The following EPB41 variants were observed in gnomAD, a reference collection of about 807,000 sequenced individuals.
EPB41 encodes the protein erythrocyte membrane protein band 4.1.
Under a neutral mutation model 108.0 loss-of-function variants are expected in EPB41, and 65 were observed. That is an observed-to-expected ratio of 0.60 (90% CI 0.49 to 0.74). The LOEUF (loss-of-function observed/expected upper bound fraction) is 0.74. EPB41 is among the 30% of genes least tolerant of loss of function. The pLI is 0.00. For missense variants in EPB41, 875 were observed against 1,037.0 expected (o/e 0.84, Z 2.15); for synonymous variants, 336 against 358.9 (o/e 0.94, Z 0.72).
intron 1 of EPB41, among the ~76,000 whole-genome samples, chr1:28,967,013 C>CTTTTTTTT (rs71586876): frequency 1.2e-4 from 10 of 85,388 alleles, no homozygotes; most frequent in African/African-American, 1.4e-4. Context: ...ATATGAGAAC[C>CTTTTTTTT]TTTTTTTTTT....
At chr1:29,050,807 C>T (rs535376887) in intron 11 of EPB41, among the ~76,000 whole-genome samples, 41 of 151,884 alleles carry the variant, frequency 2.7e-4, no homozygotes, top group Non-Finnish European at 4.1e-4. Flanking sequence ...TCCCAAGTAA[C>T]TGGGACTACA....
At chr1:28,994,950 G>A (rs9426402) in intron 3 of EPB41, among the ~76,000 whole-genome samples, 9,730 of 126,568 alleles carry the variant, frequency 0.077, 84 homozygotes, top group East Asian at 0.26. Flanking sequence ...ATGAGTCACC[G>A]CACCCAGCCT....
intron 4 of EPB41, 103 bp from the exon 5 acceptor site, chr1:29,011,762 G>A: frequency 2.4e-6 from 3 of 1,238,220 alleles, no homozygotes; most frequent in Non-Finnish European, 3.5e-6. Context: ...AATGCAGGTT[G>A]ATCTGGAGGC....
intron 1 of EPB41, among the ~76,000 whole-genome samples, chr1:28,930,826 A>C (rs2093704926): frequency 6.6e-6 from 1 of 152,158 alleles, no homozygotes; most frequent in Non-Finnish European, 1.5e-5. Flanking sequence ...CTCTGGCTGA[A>C]TATGCTTTTA....
chr1:29,049,520 T>C (rs917873549), intron 11 of EPB41, among the ~76,000 whole-genome samples: 2 of 152,194 alleles, frequency 1.3e-5, no homozygotes, highest in African/African-American at 4.8e-5. Context: ...GAGCATCATC[T>C]GATTTTTTTG....
In EPB41 at chr1:29,065,163, G is replaced by T; in HGVS notation, c.2184+5G>T. 1 of 1,584,454 alleles carries T rather than the reference G, an allele frequency of 6.3e-7. No individual in the cohort carries two copies. The highest frequency in any genetic ancestry group is 8.6e-7 in the Non-Finnish European group (1 of 1,163,112). On this transcript the variant is annotated splice_donor_5th_base_variant and intron_variant, in intron 16 of 20. Coordinates refer to ENST00000343067, the MANE Select transcript of EPB41 (RefSeq NM_001376013.1). Reference sequence around the variant, plus strand: ...CAAATCCCCACAGGAGAAGGAGTGAGTACTTTGTCCACATGACCAATTGTG... The same window carrying T: ...CAAATCCCCACAGGAGAAGGAGTGATTACTTTGTCCACATGACCAATTGTG...
intron 7 of EPB41, among the ~76,000 whole-genome samples, chr1:29,024,409 G>T (rs1030919030): frequency 2.0e-5 from 3 of 151,660 alleles, no homozygotes; most frequent in African/African-American, 4.9e-5. Context: ...TGAGGCAGGT[G>T]GATCACGAGG....
At chr1:28,895,499 AT>A (rs879498060) in intron 1 of EPB41, among the ~76,000 whole-genome samples, 3 of 150,632 alleles carry the variant, frequency 2.0e-5, no homozygotes, top group East Asian at 2.0e-4. Flanking sequence ...TATTATTATT[AT>A]TTTTTTTTGG....
intron 16 of EPB41, among the ~76,000 whole-genome samples, chr1:29,088,051 T>C (rs969901781): frequency 6.8e-6 from 1 of 147,226 alleles, no homozygotes; most frequent in African/African-American, 2.5e-5. Context: ...TTTTCTTTTT[T>C]TCTTTTTTTT....
chr1:28,988,201 A>C (rs1339036376), intron 2 of EPB41, among the ~76,000 whole-genome samples: 3 of 152,210 alleles, frequency 2.0e-5, no homozygotes. Flanking sequence ...CGGAGGCTGC[A>C]GTGAGCTGAG....
chr1:28,895,905 C>T (rs1054304170), intron 1 of EPB41, among the ~76,000 whole-genome samples: 5 of 152,130 alleles, frequency 3.3e-5, no homozygotes, highest in Admixed American at 1.3e-4. Context: ...GAGCTACTGA[C>T]GTGTTTGTCG....
intron 17 of EPB41, among the ~76,000 whole-genome samples, chr1:29,098,396 C>G (rs1390590327): frequency 2.6e-5 from 4 of 152,116 alleles, no homozygotes; most frequent in Non-Finnish European, 5.9e-5. Flanking sequence ...GGGGTTTCAC[C>G]GTGTTAGCCA....
intron 1 of EPB41, among the ~76,000 whole-genome samples, chr1:28,964,932 C>G (rs367989806): frequency 1.2e-3 from 185 of 152,308 alleles, no homozygotes; most frequent in Middle Eastern, 3.4e-3. Context: ...GATTGTATAT[C>G]AAAGGCCTTT....
At chr1:28,888,159 A>G (rs2089666180) in intron 1 of EPB41, among the ~76,000 whole-genome samples, 1 of 152,144 alleles carries the variant, frequency 6.6e-6, no homozygotes, top group Non-Finnish European at 1.5e-5. Flanking sequence ...TGGGTCCGGG[A>G]ACGGACGACC....
chr1:28,989,992 C>T (rs1404973976), intron 2 of EPB41, among the ~76,000 whole-genome samples: 3 of 152,078 alleles, frequency 2.0e-5, no homozygotes, highest in Non-Finnish European at 4.4e-5. Flanking sequence ...CGCAGTGGCT[C>T]ACACCTGTAA....
At chr1:29,021,390 A>C (rs2096642937) in intron 7 of EPB41, among the ~76,000 whole-genome samples, 1 of 152,160 alleles carries the variant, frequency 6.6e-6, no homozygotes, top group Non-Finnish European at 1.5e-5. Flanking sequence ...AAGCCAGCTT[A>C]CCTTAGAATT....
chr1:28,974,318 C>T (rs2095554810), intron 1 of EPB41, among the ~76,000 whole-genome samples: 1 of 152,182 alleles, frequency 6.6e-6, no homozygotes, highest in Admixed American at 6.5e-5. Context: ...CACTATAAGT[C>T]TAGAAATGCA....
At chr1:29,109,243 T>C (rs1044651334) in intron 17 of EPB41, 93 bp from the exon 18 acceptor site, 179 of 931,962 alleles carry the variant, frequency 1.9e-4, no homozygotes, top group Non-Finnish European at 4.4e-5. Context: ...GATTTTTGCA[T>C]CAGAATGTGC....
At position 29,011,961 on chromosome 1, in the gene EPB41, G is replaced by T. The variant is rs749480788; in HGVS notation, c.829+54G>T. 2.1e-4 allele frequency: 330 copies of T among 1,591,412 alleles called. 2 individuals are homozygous for T. The highest frequency in any genetic ancestry group is 2.7e-4 in the Non-Finnish European group (317 of 1,160,370). ...CTTTCTTTCTTTTAGTAGGTCAGAG[G>T]ATTTCCAACCATTTCTGGCTGTGAG... On this transcript the variant is annotated intron_variant, in intron 5 of 20. Transcript: ENST00000343067.
Sources: allele counts gnomAD v4.1 joint callset (sites outside exome capture counted in the v4.1 genomes callset), GRCh38; gene constraint gnomAD v4.1.1; transcripts MANE v1.5; gene names NCBI Gene and HGNC (gene_info 2026-07-23, HGNC 2026-07-21).